Variants in PAPPA2 observed in about 807,000 individuals in gnomAD.
PAPPA2 encodes the protein pappalysin 2, also known as pappalysin-2.
Under a neutral mutation model 176.4 loss-of-function variants are expected in PAPPA2, and 86 were observed. That is an observed-to-expected ratio of 0.49 (90% CI 0.41 to 0.58). PAPPA2 has a LOEUF of 0.58. Among genes scored for constraint, PAPPA2 ranks in the 20% least tolerant of loss-of-function variants. The probability of loss-of-function intolerance (pLI) is 0.00; values close to 1 mark genes in which losing one functional copy is unlikely to be tolerated. For synonymous variants in PAPPA2, 809 were observed against 852.2 expected (o/e 0.95, Z 0.88); for missense variants, 2,073 against 2,256.9 (o/e 0.92, Z 1.65).
chr1:176,771,408 A>G (rs1664219254), intron 17 of PAPPA2, among the ~76,000 whole-genome samples: 2 of 152,222 alleles, frequency 1.3e-5, no homozygotes, highest in South Asian at 4.1e-4. Flanking sequence ...TCTTGAAAGT[A>G]AGAGTTAGCA....
intron 3 of PAPPA2, among the ~76,000 whole-genome samples, chr1:176,666,814 AG>A (rs1658688721): frequency 6.6e-6 from 1 of 152,174 alleles, no homozygotes; most frequent in African/African-American, 2.4e-5. Context: ...AACAATTAAA[AG>A]TACAGACAAG....
chr1:176,744,866 G>A (rs1662838128), intron 14 of PAPPA2, among the ~76,000 whole-genome samples: 1 of 151,922 alleles, frequency 6.6e-6, no homozygotes, highest in Non-Finnish European at 1.5e-5. Context: ...CTTGGTTTTT[G>A]GTATTGATAA....
chr1:176,651,551 CT>C (rs1657728168), intron 3 of PAPPA2, among the ~76,000 whole-genome samples: 1 of 151,530 alleles, frequency 6.6e-6, no homozygotes, highest in Non-Finnish European at 1.5e-5. Flanking sequence ...CTTTCTTTGT[CT>C]TTGACCTTTG....
At chr1:176,677,560 G>A (rs1168573048) in intron 4 of PAPPA2, among the ~76,000 whole-genome samples, 1 of 152,108 alleles carries the variant, frequency 6.6e-6, no homozygotes, top group Admixed American at 6.6e-5. Flanking sequence ...TTTAGCCATG[G>A]TAAACAATGC....
At chr1:176,739,376 T>A (rs575396879) in intron 12 of PAPPA2, among the ~76,000 whole-genome samples, 2 of 152,176 alleles carry the variant, frequency 1.3e-5, no homozygotes, top group African/African-American at 4.8e-5. Context: ...AAAAAACAGT[T>A]CAGGTATCAG....
At chr1:176,573,130 G>A (rs549436262) in intron 2 of PAPPA2, among the ~76,000 whole-genome samples, 12 of 152,128 alleles carry the variant, frequency 7.9e-5, no homozygotes, top group Admixed American at 2.0e-4. Flanking sequence ...AGGACGACAG[G>A]TGCTGGTCAC....
chr1:176,556,952 G>A lies in PAPPA2; in HGVS notation c.630G>A (p.Gln210=). 6.2e-7 allele frequency: 1 copy of A among 1,614,104 alleles called. No homozygotes were observed. The highest frequency in any genetic ancestry group is 1.3e-5 in the African/African-American group (1 of 75,014). Residue 210 remains glutamine (Q), a synonymous_variant, in exon 2 of 23, where the codon CAG becomes CAA. Transcript: ENST00000367662. ...GGAAGAGGCGGGCGGAAGATGGGCAGGGAGACTCCGGTATCTCTTCACATT... is the reference window on the plus strand; with the variant it reads ...GGAAGAGGCGGGCGGAAGATGGGCAAGGAGACTCCGGTATCTCTTCACATT... ...QVWKRRAEDG[Q]GDSGISSHFQ...
chr1:176,655,652 T>G (rs1657993033), intron 3 of PAPPA2, among the ~76,000 whole-genome samples: 1 of 151,614 alleles, frequency 6.6e-6, no homozygotes. Context: ...GGACACAGAG[T>G]GTGAAATGAT....
chr1:176,603,496 CCTCTGGA>C (rs1378674972), intron 3 of PAPPA2, among the ~76,000 whole-genome samples: 3 of 152,144 alleles, frequency 2.0e-5, no homozygotes, highest in African/African-American at 7.2e-5. Context: ...AGAGCACCAG[CCTCTGGA>C]GGAAGCTCCT....
At chr1:176,479,127 G>A (rs1244205383) in intron 1 of PAPPA2, among the ~76,000 whole-genome samples, 1 of 152,140 alleles carries the variant, frequency 6.6e-6, no homozygotes, top group African/African-American at 2.4e-5. Context: ...CAACCTGTCA[G>A]GTAGATACTA....
At chr1:176,590,041 G>T (rs903814451) in intron 2 of PAPPA2, among the ~76,000 whole-genome samples, 3 of 152,216 alleles carry the variant, frequency 2.0e-5, no homozygotes, top group Non-Finnish European at 4.4e-5. Context: ...AAGAAGAGCA[G>T]ACCTGGGATG....
intron 12 of PAPPA2, among the ~76,000 whole-genome samples, chr1:176,726,700 TGAG>T (rs1382564390): frequency 1.3e-5 from 2 of 152,180 alleles, no homozygotes; most frequent in African/African-American, 4.8e-5. Context: ...TTTTCAAGGA[TGAG>T]GAGAATTTGT....
intron 1 of PAPPA2, among the ~76,000 whole-genome samples, chr1:176,472,593 T>C (rs560398124): frequency 6.6e-6 from 1 of 152,272 alleles, no homozygotes; most frequent in Middle Eastern, 3.4e-3. Flanking sequence ...CAAAGTATGT[T>C]TATCCCGATT....
intron 3 of PAPPA2, among the ~76,000 whole-genome samples, chr1:176,665,738 C>A (rs748361690): frequency 1.3e-5 from 2 of 152,152 alleles, no homozygotes; most frequent in Non-Finnish European, 2.9e-5. Context: ...CTGTATTTAA[C>A]CGAAACTCAA....
chr1:176,634,781 T>A (rs1313301374), intron 3 of PAPPA2, among the ~76,000 whole-genome samples: 2 of 150,936 alleles, frequency 1.3e-5, no homozygotes, highest in African/African-American at 4.9e-5. Flanking sequence ...ATAGGTGTAG[T>A]TAAAATTTCC....
At chr1:176,600,545 G>T (rs1362413567) in intron 3 of PAPPA2, among the ~76,000 whole-genome samples, 1 of 151,252 alleles carries the variant, frequency 6.6e-6, no homozygotes, top group Non-Finnish European at 1.5e-5. Context: ...GCGTGGTAGC[G>T]GGCGCCTGTA....
At chr1:176,565,071 T>C (rs1197919013) in intron 2 of PAPPA2, among the ~76,000 whole-genome samples, 1 of 152,218 alleles carries the variant, frequency 6.6e-6, no homozygotes, top group Admixed American at 6.5e-5. Flanking sequence ...CTGGCTTCTT[T>C]CACTTGAGGC....
At chr1:176,669,760 C>T (rs1303198407) in intron 3 of PAPPA2, among the ~76,000 whole-genome samples, 3 of 151,984 alleles carry the variant, frequency 2.0e-5, no homozygotes, top group Non-Finnish European at 4.4e-5. Context: ...TTGGGATCGC[C>T]CTTTCTCAGG....
At chr1:176,758,015 C>T (rs1663510633) in intron 14 of PAPPA2, among the ~76,000 whole-genome samples, 1 of 152,056 alleles carries the variant, frequency 6.6e-6, no homozygotes, top group Non-Finnish European at 1.5e-5. Context: ...TTTTGAGGAC[C>T]CAAACTCTGT....
Sources: allele counts gnomAD v4.1 joint callset (sites outside exome capture counted in the v4.1 genomes callset), GRCh38; gene constraint gnomAD v4.1.1; transcripts MANE v1.5; gene names NCBI Gene and HGNC (gene_info 2026-07-23, HGNC 2026-07-21).